Variants in PKN2 observed in about 807,000 individuals in gnomAD.
PKN2 encodes the protein protein kinase N2, also known as serine/threonine-protein kinase N2.
In PKN2, 38 loss-of-function variants were observed where a neutral mutation model predicts 119.1. That is an observed-to-expected ratio of 0.32 (90% CI 0.25 to 0.42). PKN2 has a LOEUF of 0.42. PKN2 is among the 10% of genes least tolerant of loss of function. PKN2 has a pLI of 1.00. For synonymous variants in PKN2, 390 were observed against 384.9 expected (o/e 1.01, Z -0.15); for missense variants, 850 against 1,165.1 (o/e 0.73, Z 3.94).
chr1:88,722,212 T>G (rs1667708328), intron 1 of PKN2, among the ~76,000 whole-genome samples: 1 of 151,292 alleles, frequency 6.6e-6, no homozygotes, highest in African/African-American at 2.5e-5. Flanking sequence ...GTCTGTTAAG[T>G]AATCATTAAG....
At position 88,828,472 on chromosome 1, in the gene PKN2, C is replaced by T. The variant is rs1672598603; in HGVS notation, c.2420-9C>T. ...TTGCTAACAAATGTTTACATTTTAT[C>T]TTTTCCAGGAATGGGATATGGAGAT... On this transcript the variant is annotated splice_polypyrimidine_tract_variant and intron_variant, in intron 18 of 21. Coordinates refer to ENST00000370521, the MANE Select transcript of PKN2 (RefSeq NM_006256.4). 3.2e-6 allele frequency: 5 copies of T among 1,566,762 alleles called. No homozygotes were observed. Among genetic ancestry groups the T allele is most frequent in the Non-Finnish European group, 4.4e-6 (5 of 1,148,460 alleles).
intron 2 of PKN2, among the ~76,000 whole-genome samples, chr1:88,746,057 C>T (rs1668756416): frequency 6.6e-6 from 1 of 152,036 alleles, no homozygotes. Context: ...TTTATCTTAC[C>T]CTTATACGTA....
At chr1:88,691,273 C>T (rs144375701) in intron 1 of PKN2, among the ~76,000 whole-genome samples, 15 of 151,898 alleles carry the variant, frequency 9.9e-5, no homozygotes, top group African/African-American at 3.1e-4. Flanking sequence ...CCATGTTGCC[C>T]GGGTTGGTTT....
chr1:88,754,797 C>T (rs1393222899), intron 2 of PKN2, among the ~76,000 whole-genome samples: 1 of 152,150 alleles, frequency 6.6e-6, no homozygotes, highest in African/African-American at 2.4e-5. Flanking sequence ...GGGCTTAACT[C>T]TAGTGCATTG....
intron 3 of PKN2, among the ~76,000 whole-genome samples, chr1:88,767,724 A>G (rs1386116758): frequency 6.6e-6 from 1 of 152,232 alleles, no homozygotes; most frequent in Non-Finnish European, 1.5e-5. Flanking sequence ...GACTTTGGGA[A>G]TACAAAAGAA....
At chr1:88,730,575 T>G (rs1668108346) in intron 1 of PKN2, among the ~76,000 whole-genome samples, 1 of 152,246 alleles carries the variant, frequency 6.6e-6, no homozygotes, top group South Asian at 2.1e-4. Context: ...GGTAATGTGG[T>G]TACTTCTGGC....
chr1:88,697,672 A>C (rs1039040440), intron 1 of PKN2, among the ~76,000 whole-genome samples: 1 of 152,068 alleles, frequency 6.6e-6, no homozygotes, highest in Non-Finnish European at 1.5e-5. Context: ...TAGCTAGGCA[A>C]TCCAAGCTGT....
Position 88,829,316 on chromosome 1 carries a change from A to G in PKN2, c.2562+693A>G, listed in dbSNP as rs537917186. 534 of 591,506 alleles carry G rather than the reference A, an allele frequency of 9.0e-4. 3 individuals carry two copies. The highest frequency in any genetic ancestry group is 8.9e-3 in the African/African-American group (483 of 54,354). The allele number at this position is 591,506 out of a possible 1,614,324, so 36.6% of individuals were successfully genotyped here. On this transcript the variant is annotated intron_variant, in intron 19 of 21. Transcript: ENST00000370521. Reference sequence around the variant, plus strand: ...AGAGATACCTTCACATGTGCTATCAAAAGTATTCGCTACACCAACAGCTCC... The same window carrying G: ...AGAGATACCTTCACATGTGCTATCAGAAGTATTCGCTACACCAACAGCTCC...
intron 10 of PKN2, 46 bp downstream of exon 10, chr1:88,804,967 A>G (rs556207764): frequency 3.6e-5 from 33 of 906,412 alleles, no homozygotes; most frequent in Non-Finnish European, 5.4e-5. Context: ...ATTTTCTTAA[A>G]CAATCTAATT....
chr1:88,754,005 C>A (rs1482447391), intron 2 of PKN2, among the ~76,000 whole-genome samples: 1 of 149,434 alleles, frequency 6.7e-6, no homozygotes, highest in Non-Finnish European at 1.5e-5. Flanking sequence ...GTACCCTTTT[C>A]TGACTGCTGT....
At chr1:88,825,751 AG>A (rs1457475450) in intron 18 of PKN2, among the ~76,000 whole-genome samples, 1 of 152,168 alleles carries the variant, frequency 6.6e-6, no homozygotes, top group East Asian at 1.9e-4. Flanking sequence ...TTGCTTAAGG[AG>A]TCCATATAAA....
At chr1:88,753,433 T>A (rs1329924131) in intron 2 of PKN2, among the ~76,000 whole-genome samples, 1 of 152,192 alleles carries the variant, frequency 6.6e-6, no homozygotes, top group Non-Finnish European at 1.5e-5. Flanking sequence ...TTGTCTTCAT[T>A]GTTGAAAGAT....
At chr1:88,811,021 C>T (rs1468968023) in intron 15 of PKN2, among the ~76,000 whole-genome samples, 1 of 152,222 alleles carries the variant, frequency 6.6e-6, no homozygotes, top group South Asian at 2.1e-4. Flanking sequence ...AATTTCAAAT[C>T]AACCTCTTTT....
intron 6 of PKN2, among the ~76,000 whole-genome samples, chr1:88,776,265 A>T (rs1265896168): frequency 1.1e-5 from 1 of 93,220 alleles, no homozygotes; most frequent in Non-Finnish European, 2.1e-5. Context: ...CCCACCCGTC[A>T]CTTCTCCCAT....
intron 8 of PKN2, among the ~76,000 whole-genome samples, chr1:88,793,554 G>A (rs980137123): frequency 1.4e-4 from 21 of 151,936 alleles, no homozygotes; most frequent in African/African-American, 5.1e-4. Flanking sequence ...ATTCATTAAG[G>A]ATGACTTTTA....
chr1:88,760,075 AATTCATGG>A (rs924613034), intron 2 of PKN2, 139 bp from the exon 3 acceptor site: 2 of 431,432 alleles, frequency 4.6e-6, no homozygotes, highest in Non-Finnish European at 8.2e-6. Flanking sequence ...GAATTGGTTG[AATTCATGG>A]ATTATCTATA....
intron 16 of PKN2, among the ~76,000 whole-genome samples, chr1:88,820,420 C>A (rs1046752619): frequency 6.7e-6 from 1 of 150,310 alleles, no homozygotes; most frequent in African/African-American, 2.4e-5. Context: ...ATAATCCCAG[C>A]TACTCAGGAG....
rs143475870 is a variant in PKN2, at chr1:88,720,428, A to G, written c.49-20560A>G. Among the ~76,000 whole-genome samples the G allele has an allele frequency of 8.7e-4, 132 of 152,098 alleles. 3 individuals carry two copies. In the East Asian group the frequency reaches 0.02, roughly 23 times the overall value. ...CTGCCTCTATTGGAGTCACTTCCCAACCTGTCCGTCTCCATGTCTGTTTGT... is the reference window on the plus strand; with the variant it reads ...CTGCCTCTATTGGAGTCACTTCCCAGCCTGTCCGTCTCCATGTCTGTTTGT... On this transcript the variant is annotated intron_variant, in intron 1 of 21. Coordinates refer to ENST00000370521, the MANE Select transcript of PKN2 (RefSeq NM_006256.4).
At chr1:88,697,137 T>A (rs916678685) in intron 1 of PKN2, among the ~76,000 whole-genome samples, 2 of 152,192 alleles carry the variant, frequency 1.3e-5, no homozygotes, top group African/African-American at 4.8e-5. Flanking sequence ...TTGATACATT[T>A]GCAAATTAGT....
Sources: allele counts gnomAD v4.1 joint callset (sites outside exome capture counted in the v4.1 genomes callset), GRCh38; gene constraint gnomAD v4.1.1; transcripts MANE v1.5; gene names NCBI Gene and HGNC (gene_info 2026-07-23, HGNC 2026-07-21).